TXNRD1: variants seen among roughly 807,000 people sequenced by gnomAD.
TXNRD1 encodes the protein thioredoxin reductase 1.
In TXNRD1, 57 loss-of-function variants were observed where a neutral mutation model predicts 80.3. The observed-to-expected ratio is 0.71, with a 90% CI of 0.57 to 0.89. TXNRD1 has a LOEUF of 0.89. Ranked by LOEUF, TXNRD1 falls within the 40% of genes least tolerant of loss-of-function variation. The probability of loss-of-function intolerance (pLI) is 0.00; values close to 1 mark genes in which losing one functional copy is unlikely to be tolerated. For missense variants in TXNRD1, 730 were observed against 803.0 expected (o/e 0.91, Z 1.10); for synonymous variants, 291 against 285.2 (o/e 1.02, Z -0.20).
intron 1 of TXNRD1, among the ~76,000 whole-genome samples, chr12:104,234,683 A>G (rs2032697498): frequency 6.6e-6 from 1 of 150,510 alleles, no homozygotes; most frequent in South Asian, 2.1e-4. Context: ...TAACTCAGGT[A>G]TTTGACCTCT....
intron 2 of TXNRD1, among the ~76,000 whole-genome samples, chr12:104,255,178 T>C (rs1399594861): frequency 2.0e-5 from 3 of 152,146 alleles, no homozygotes; most frequent in Non-Finnish European, 4.4e-5. Flanking sequence ...AACCCTGCTG[T>C]AGTTCTGGAA....
intron 4 of TXNRD1, among the ~76,000 whole-genome samples, chr12:104,309,364 G>T (rs2035045776): frequency 6.6e-6 from 1 of 152,190 alleles, no homozygotes; most frequent in African/African-American, 2.4e-5. Context: ...TGAACCAGGA[G>T]AAGCCAGGTT....
chr12:104,342,819 C>T lies in TXNRD1; in HGVS notation c.1881+3546C>T, dbSNP rs530097228. On this transcript the variant is annotated intron_variant, in intron 16 of 16. Transcript: ENST00000525566. ...ATCAGGTACATTGTTCAGAAACATTCCTCCAGCTGCACCGTGGAAGCGGGA... is the reference window on the plus strand; with the variant it reads ...ATCAGGTACATTGTTCAGAAACATTTCTCCAGCTGCACCGTGGAAGCGGGA... Among the ~76,000 whole-genome samples, 5 of 152,220 alleles carry T rather than the reference C, an allele frequency of 3.3e-5. No homozygotes were observed. The South Asian group carries it at 1.0e-3, about 32-fold the overall frequency.
chr12:104,331,295 C>T (rs1288503189), intron 13 of TXNRD1, among the ~76,000 whole-genome samples: 1 of 152,100 alleles, frequency 6.6e-6, no homozygotes, highest in Non-Finnish European at 1.5e-5. Context: ...GGAGAAGCTG[C>T]ATGAATCTTT....
At chr12:104,306,897 C>T (rs918245504) in intron 4 of TXNRD1, among the ~76,000 whole-genome samples, 1 of 152,104 alleles carries the variant, frequency 6.6e-6, no homozygotes, top group Admixed American at 6.6e-5. Context: ...AAGATCCCGC[C>T]CCAGTACTTT....
chr12:104,259,730 C>T (rs533932631), intron 3 of TXNRD1, among the ~76,000 whole-genome samples: 20 of 151,942 alleles, frequency 1.3e-4, no homozygotes, highest in Admixed American at 8.5e-4. Context: ...TCAGGTGAGC[C>T]GCCCGCCTCA....
At chr12:104,329,399 C>T (rs747116834) in intron 13 of TXNRD1, among the ~76,000 whole-genome samples, 21 of 151,894 alleles carry the variant, frequency 1.4e-4, no homozygotes, top group Non-Finnish European at 2.6e-4. Flanking sequence ...ACCTGTAACC[C>T]AGCACATTGG....
chr12:104,245,541 A>AAAAAAAAAAAC, intron 1 of TXNRD1, among the ~76,000 whole-genome samples: 1 of 147,262 alleles, frequency 6.8e-6, no homozygotes, highest in Non-Finnish European at 1.5e-5. Flanking sequence ...AAAAAAAAAA[A>AAAAAAAAAAAC]AGAATACTGA....
chr12:104,254,631 A>G (rs1449771555), intron 2 of TXNRD1, among the ~76,000 whole-genome samples: 2 of 21,142 alleles, frequency 9.5e-5, no homozygotes, highest in African/African-American at 3.7e-4. Context: ...ATGTCTATGG[A>G]AAAAAAAAAA....
chr12:104,298,736 A>AAAT (rs1421433178), intron 4 of TXNRD1, among the ~76,000 whole-genome samples: 33 of 152,268 alleles, frequency 2.2e-4, no homozygotes, highest in African/African-American at 7.9e-4. Flanking sequence ...ATAAAAATAA[A>AAAT]AAATAAAAAA....
At chr12:104,330,675 C>T (rs1045227270) in intron 13 of TXNRD1, among the ~76,000 whole-genome samples, 1 of 152,094 alleles carries the variant, frequency 6.6e-6, no homozygotes. Flanking sequence ...CAACCTCTGC[C>T]TCCCGGGTTC....
Position 104,290,843 on chromosome 12 carries a change from T to C in TXNRD1, c.414+1803T>C, listed in dbSNP as rs979743784. 1.8e-5 allele frequency: 8 copies of C among 447,454 alleles called. 1 individual carries two copies. The highest frequency in any genetic ancestry group is 2.4e-5 in the Non-Finnish European group (6 of 253,068). The allele number at this position is 447,454 out of a possible 1,614,324, so 27.7% of individuals were successfully genotyped here. A position where few individuals can be genotyped will look rare whatever the true frequency, so the allele number is the denominator to read the frequency against. ...ACAAAGTTATATAGTAATTTGATCT[T>C]TATGTAATTCTACTGATACTCCTGG... On this transcript the variant is annotated intron_variant, in intron 4 of 16. Transcript: ENST00000525566.
At chr12:104,304,062 A>T in intron 4 of TXNRD1, 1 of 1,613,896 alleles carries the variant, frequency 6.2e-7, no homozygotes, top group Non-Finnish European at 8.5e-7. Context: ...ATCCGCAGGC[A>T]GTACCGGCAG....
At chr12:104,238,279 A>C (rs988723807) in intron 1 of TXNRD1, among the ~76,000 whole-genome samples, 21 of 152,360 alleles carry the variant, frequency 1.4e-4, no homozygotes, top group Admixed American at 1.3e-3. Context: ...TCTCAAATGC[A>C]GGTTTTTAAT....
intron 11 of TXNRD1, among the ~76,000 whole-genome samples, chr12:104,325,787 G>A (rs1165627393): frequency 1.3e-5 from 2 of 151,658 alleles, no homozygotes; most frequent in Admixed American, 6.6e-5. Context: ...CAGGAGAATC[G>A]CTTGAACCCA....
chr12:104,300,990 T>C (rs1211514776), intron 4 of TXNRD1, among the ~76,000 whole-genome samples: 1 of 152,160 alleles, frequency 6.6e-6, no homozygotes, highest in Non-Finnish European at 1.5e-5. Context: ...AGTCTGCCTT[T>C]CTTAGGATGA....
At position 104,221,448 on chromosome 12, in the gene TXNRD1, G is replaced by T. The variant is rs575661530; in HGVS notation, c.91+5555G>T. ...TTCTCCTGCCTCAGCCTCCCAAGTA[G>T]CTGGGATTACAGGCATGCACCACAA... On this transcript the variant is annotated intron_variant, in intron 1 of 16. Coordinates refer to ENST00000525566, the MANE Select transcript of TXNRD1 (RefSeq NM_001093771.3). Among the ~76,000 whole-genome samples, 13 of 152,262 alleles carry T rather than the reference G, an allele frequency of 8.5e-5. No individual in the cohort carries two copies. In the East Asian group the frequency reaches 2.5e-3, roughly 29 times the overall value.
At chr12:104,337,054 C>T (rs1009976896) in intron 15 of TXNRD1, among the ~76,000 whole-genome samples, 1 of 152,026 alleles carries the variant, frequency 6.6e-6, no homozygotes, top group Non-Finnish European at 1.5e-5. Flanking sequence ...AATGCATACA[C>T]ATTATACAGT....
At chr12:104,270,725 C>T (rs961381164) in intron 3 of TXNRD1, among the ~76,000 whole-genome samples, 1 of 152,014 alleles carries the variant, frequency 6.6e-6, no homozygotes, top group African/African-American at 2.4e-5. Flanking sequence ...AAATACTGGC[C>T]TAATGTATGT....
Sources: gnomAD v4.1 joint callset for allele counts (sites outside exome capture counted in the v4.1 genomes callset) on GRCh38, gnomAD v4.1.1 for gene constraint, MANE v1.5 for transcripts, NCBI Gene and HGNC (gene_info 2026-07-23, HGNC 2026-07-21) for gene names.